Variants in ZBTB38 observed in about 807,000 individuals in gnomAD.
The protein encoded by ZBTB38 is zinc finger and BTB domain containing 38.
In ZBTB38, 20 loss-of-function variants were observed where a neutral mutation model predicts 76.8. The observed-to-expected ratio is 0.26, with a 90% CI of 0.18 to 0.38. The LOEUF is 0.38. ZBTB38 is among the 10% of genes least tolerant of loss of function. The pLI is 1.00. For missense variants in ZBTB38, 1,082 were observed against 1,482.3 expected (o/e 0.73, Z 4.43); for synonymous variants, 504 against 544.2 (o/e 0.93, Z 1.03).
At chr3:141,338,516 C>A (rs930379087) in intron 1 of ZBTB38, among the ~76,000 whole-genome samples, 22 of 152,150 alleles carry the variant, frequency 1.4e-4, no homozygotes, top group African/African-American at 5.3e-4. Flanking sequence ...AGCTGGAGGC[C>A]ATTATCCTAA....
At chr3:141,335,615 T>C (rs1306804337) in intron 1 of ZBTB38, among the ~76,000 whole-genome samples, 1 of 152,198 alleles carries the variant, frequency 6.6e-6, no homozygotes. Flanking sequence ...GCACAGGCCT[T>C]CCGTGGCTGC....
chr3:141,429,770 A>C (rs2077086694), intron 5 of ZBTB38, among the ~76,000 whole-genome samples: 1 of 152,228 alleles, frequency 6.6e-6, no homozygotes, highest in African/African-American at 2.4e-5. Flanking sequence ...CTGGGCCTGA[A>C]GCACGAGTCT....
chr3:141,342,592 C>T (rs1376400367), intron 1 of ZBTB38, among the ~76,000 whole-genome samples: 1 of 152,002 alleles, frequency 6.6e-6, no homozygotes, highest in Non-Finnish European at 1.5e-5. Context: ...GAGAACATAG[C>T]TGCGGTTGAG....
At chr3:141,340,444 AGAC>A (rs1274679438) in intron 1 of ZBTB38, among the ~76,000 whole-genome samples, 1 of 152,212 alleles carries the variant, frequency 6.6e-6, no homozygotes, top group Admixed American at 6.5e-5. Flanking sequence ...ACGACTAAGA[AGAC>A]AATTCCTACA....
chr3:141,391,487 G>A (rs1227996992), intron 4 of ZBTB38, among the ~76,000 whole-genome samples: 1 of 152,158 alleles, frequency 6.6e-6, no homozygotes, highest in African/African-American at 2.4e-5. Flanking sequence ...ACTGGTTTTA[G>A]CCAGTCAAAC....
intron 1 of ZBTB38, among the ~76,000 whole-genome samples, chr3:141,340,643 A>G (rs1943145089): frequency 6.6e-6 from 1 of 152,142 alleles, no homozygotes. Context: ...CACGCCTGTA[A>G]TCCCAGCACT....
chr3:141,398,340 A>G (rs578007718), intron 4 of ZBTB38, among the ~76,000 whole-genome samples: 2 of 152,016 alleles, frequency 1.3e-5, no homozygotes, highest in South Asian at 4.1e-4. Context: ...TTTTTTTCAA[A>G]TTATAAAAGT....
rs1491583991 is a variant in ZBTB38 at position 141,385,679 on chromosome 3, T to TGTGTGTGC, written c.-171-1192_-171-1191insTGTGTGCG. 4.5e-4 allele frequency among the ~76,000 whole-genome samples: 65 copies of TGTGTGTGC among 143,172 alleles called. 1 individual carries two copies. The highest frequency in any genetic ancestry group is 1.2e-4 in the Non-Finnish European group (8 of 64,546). The allele number at this position is 143,172 out of a possible 152,430, so 93.9% of individuals were successfully genotyped here. A position where few individuals can be genotyped will look rare whatever the true frequency, so the allele number is the denominator to read the frequency against. ...GTGTGTGTGTGTGTGTGTGTGTGTG[T>TGTGTGTGC]GCGCGTGTGTTGATAGGAAGGAATG... is the stretch of plus-strand genomic sequence containing the variant. On this transcript the variant is annotated intron_variant, in intron 3 of 5. Coordinates refer to ENST00000321464, the MANE Select transcript of ZBTB38 (RefSeq NM_001376113.1).
At chr3:141,339,730 C>T (rs574256838) in intron 1 of ZBTB38, among the ~76,000 whole-genome samples, 12 of 152,120 alleles carry the variant, frequency 7.9e-5, no homozygotes, top group Non-Finnish European at 1.8e-4. Flanking sequence ...GGACCAAATT[C>T]GAGGAGGAGT....
chr3:141,329,747 C>T (rs1324455440), intron 1 of ZBTB38, among the ~76,000 whole-genome samples: 1 of 152,072 alleles, frequency 6.6e-6, no homozygotes, highest in East Asian at 1.9e-4. Context: ...TATATTTCAA[C>T]CTCTATTGCT....
chr3:141,379,309 G>C (rs911118139), intron 2 of ZBTB38, among the ~76,000 whole-genome samples: 1 of 152,192 alleles, frequency 6.6e-6, no homozygotes, highest in African/African-American at 2.4e-5. Flanking sequence ...CTATCTTAAT[G>C]AAACTCGAGC....
intron 5 of ZBTB38, among the ~76,000 whole-genome samples, chr3:141,435,768 A>G (rs1223701941): frequency 6.6e-6 from 1 of 152,028 alleles, no homozygotes; most frequent in Admixed American, 6.6e-5. Context: ...AGAAAAAAAA[A>G]AAAACTAAAA....
chr3:141,349,045 G>C (rs942177413), intron 1 of ZBTB38, among the ~76,000 whole-genome samples: 1 of 152,084 alleles, frequency 6.6e-6, no homozygotes, highest in Non-Finnish European at 1.5e-5. Flanking sequence ...AGAGTGATGG[G>C]GCTGAAATCA....
At chr3:141,366,926 C>T (rs1341952028), upstream of ZBTB38, 1 of 152,268 alleles carries the variant, frequency 6.6e-6, no homozygotes, top group Non-Finnish European at 1.5e-5. Flanking sequence ...AGCAGATGTT[C>T]TCTTCTCACC....
intron 2 of ZBTB38, among the ~76,000 whole-genome samples, chr3:141,378,827 A>G (rs1945784766): frequency 6.6e-6 from 1 of 152,222 alleles, no homozygotes; most frequent in African/African-American, 2.4e-5. Flanking sequence ...CCCCTCCCTG[A>G]GACCATAACT....
At position 141,446,034 on chromosome 3, in the gene ZBTB38, T is replaced by A. The variant is rs995736005; in HGVS notation, c.*58T>A. 2.5e-5 allele frequency: 36 copies of A among 1,425,216 alleles called. No individual in the cohort carries two copies. The Admixed American group carries it at 8.1e-4, about 32-fold the overall frequency. 88.3% of individuals were successfully genotyped at this position (1,425,216 alleles called of 1,614,324 possible). Reference sequence around the variant, plus strand: ...AGTTGGTGGTTTTTTTAGTTATGATTTAAGTTTAGTTTCATTTTGTCCATG... The same window carrying A: ...AGTTGGTGGTTTTTTTAGTTATGATATAAGTTTAGTTTCATTTTGTCCATG... On this transcript the variant is annotated 3_prime_UTR_variant, in exon 6 of 6. Transcript: ENST00000321464.
At chr3:141,365,420 C>T (rs1943937640), upstream of ZBTB38, among the ~76,000 whole-genome samples, 1 of 152,056 alleles carries the variant, frequency 6.6e-6, no homozygotes. Flanking sequence ...CAGGACATTA[C>T]ATGGCAAGGT....
At chr3:141,424,978 A>C (rs2076126484) in intron 5 of ZBTB38, among the ~76,000 whole-genome samples, 1 of 152,224 alleles carries the variant, frequency 6.6e-6, no homozygotes, top group Non-Finnish European at 1.5e-5. Context: ...TAAAGGTACC[A>C]CTTAGTCCTC....
chr3:141,389,423 G>T, intron 4 of ZBTB38: 1 of 147,882 alleles, frequency 6.8e-6, no homozygotes, highest in Non-Finnish European at 1.5e-5. Context: ...CTCCAGGCTT[G>T]CCATGAAATA....
Sources: gnomAD v4.1 joint callset for allele counts (sites outside exome capture counted in the v4.1 genomes callset) on GRCh38, gnomAD v4.1.1 for gene constraint, MANE v1.5 for transcripts, NCBI Gene and HGNC (gene_info 2026-07-23, HGNC 2026-07-21) for gene names.